Variants in GALNTL6 observed in about 807,000 individuals in gnomAD.
The protein encoded by GALNTL6 is polypeptide N-acetylgalactosaminyltransferase like 6.
Under a neutral mutation model 73.7 loss-of-function variants are expected in GALNTL6, and 46 were observed. That is an observed-to-expected ratio of 0.62 (90% CI 0.49 to 0.80). The LOEUF is 0.80. Among genes scored for constraint, GALNTL6 ranks in the 30% least tolerant of loss-of-function variants. GALNTL6 has a pLI of 0.00. For missense variants in GALNTL6, 604 were observed against 755.0 expected (o/e 0.80, Z 2.34); for synonymous variants, 259 against 263.7 (o/e 0.98, Z 0.17).
chr4:172,373,553 A>G (rs1742904639), intron 5 of GALNTL6, among the ~76,000 whole-genome samples: 1 of 152,164 alleles, frequency 6.6e-6, no homozygotes. Flanking sequence ...ATTGCCTTTG[A>G]TAAGGAAAAG....
intron 2 of GALNTL6, among the ~76,000 whole-genome samples, chr4:171,988,179 G>C (rs897940710): frequency 7.2e-5 from 11 of 152,180 alleles, no homozygotes; most frequent in African/African-American, 2.4e-4. Context: ...AAAGGCTACA[G>C]GGTGCAGTCC....
intron 12 of GALNTL6, among the ~76,000 whole-genome samples, chr4:173,033,851 T>C (rs1753571762): frequency 6.6e-6 from 1 of 152,192 alleles, no homozygotes; most frequent in South Asian, 2.1e-4. Flanking sequence ...TGAATCTTTC[T>C]ACTTACATGG....
At position 172,809,349 on chromosome 4, in the gene GALNTL6, C is replaced by T; in HGVS notation, c.554-12C>T. On this transcript the variant is annotated splice_polypyrimidine_tract_variant and intron_variant, in intron 5 of 12. Transcript: ENST00000506823. The surrounding 1 kb of genome is among the most constrained non-coding windows in gnomAD (Gnocchi z 4.4). The stretch of plus-strand genomic sequence containing the variant: ...TTGCGTTTTTTCTATGCATTCTCTA[C>T]TTCCTACCTAGAACACCTGAAGGAT... 2.5e-6 allele frequency: 4 copies of T among 1,611,208 alleles called. No homozygotes were observed. The highest frequency in any genetic ancestry group is 3.4e-6 in the Non-Finnish European group (4 of 1,178,160).
intron 2 of GALNTL6, among the ~76,000 whole-genome samples, chr4:172,091,365 A>T (rs1173934096): frequency 3.3e-5 from 5 of 152,152 alleles, no homozygotes; most frequent in Non-Finnish European, 7.4e-5. Flanking sequence ...ACTTGCTCTC[A>T]AACTTTGTAA....
Position 172,069,555 on chromosome 4 carries a change from G to GTTATATATA in GALNTL6, c.139-160100_139-160092dup, listed in dbSNP as rs763190852. On this transcript the variant is annotated intron_variant, in intron 2 of 12. Coordinates refer to ENST00000506823, the MANE Select transcript of GALNTL6 (RefSeq NM_001034845.3). ...CATATATTATATATAACACATATAT[G>GTTATATATA]TTATATATAACACATATATGTTATA... Among the ~76,000 whole-genome samples, 248 of 60,902 alleles carry GTTATATATA rather than the reference G, an allele frequency of 4.1e-3. 31 individuals are homozygous for GTTATATATA. Among genetic ancestry groups the GTTATATATA allele is most frequent in the South Asian group, 0.011 (24 of 2,178 alleles). The allele number at this position is 60,902 out of a possible 152,430, so 40.0% of individuals were successfully genotyped here.
chr4:172,756,239 A>G (rs1737742068), intron 5 of GALNTL6, among the ~76,000 whole-genome samples: 1 of 152,238 alleles, frequency 6.6e-6, no homozygotes, highest in East Asian at 1.9e-4. Context: ...TTCATGGTTT[A>G]CCAAAAGTTC....
intron 5 of GALNTL6, among the ~76,000 whole-genome samples, chr4:172,790,039 A>AAAACT (rs1263773066): frequency 5.9e-5 from 9 of 152,208 alleles, no homozygotes; most frequent in African/African-American, 1.7e-4. Context: ...AATCCGAAAT[A>AAAACT]GTTTTTTAAC....
chr4:171,960,343 C>T lies in GALNTL6; in HGVS notation c.138+145625C>T, dbSNP rs143860968. Among the ~76,000 whole-genome samples, 644 of 152,170 alleles carry T rather than the reference C, an allele frequency of 4.2e-3. 5 individuals are homozygous for T. Among genetic ancestry groups the T allele is most frequent in the African/African-American group, 0.015 (610 of 41,504 alleles). The stretch of plus-strand genomic sequence containing the variant: ...CCAGGCTAGAGTGCAATGGCATGAT[C>T]TCGGCTCACTGCAACCTCTGCCTCC... On this transcript the variant is annotated intron_variant, in intron 2 of 12. Transcript: ENST00000506823.
chr4:172,219,230 C>G (rs1230775637), intron 2 of GALNTL6, among the ~76,000 whole-genome samples: 1 of 75,376 alleles, frequency 1.3e-5, no homozygotes, highest in Non-Finnish European at 2.9e-5. Flanking sequence ...TATAATCCTT[C>G]TGTTCTTAAA....
intron 8 of GALNTL6, among the ~76,000 whole-genome samples, chr4:172,917,829 A>G (rs559769920): frequency 2.0e-5 from 3 of 152,340 alleles, no homozygotes; most frequent in African/African-American, 7.2e-5. Context: ...ACCATTGTGG[A>G]AGACAGTGTG....
intron 12 of GALNTL6, among the ~76,000 whole-genome samples, chr4:173,029,250 T>A (rs1442190242): frequency 6.6e-6 from 1 of 152,210 alleles, no homozygotes; most frequent in Non-Finnish European, 1.5e-5. Flanking sequence ...CTCTCCCAGG[T>A]CAGTCCTAAT....
At chr4:172,486,609 A>G (rs1287556963) in intron 5 of GALNTL6, among the ~76,000 whole-genome samples, 3 of 152,176 alleles carry the variant, frequency 2.0e-5, no homozygotes, top group Non-Finnish European at 4.4e-5. Flanking sequence ...TTCAGCCTAG[A>G]TCACCATTAT....
At chr4:172,036,488 C>A (rs1389003292) in intron 2 of GALNTL6, among the ~76,000 whole-genome samples, 1 of 152,000 alleles carries the variant, frequency 6.6e-6, no homozygotes, top group Non-Finnish European at 1.5e-5. Context: ...CTGGAAGAAC[C>A]AATAGCATAA....
At chr4:172,482,106 C>CCCACCCG (rs1733507520) in intron 5 of GALNTL6, among the ~76,000 whole-genome samples, 4 of 152,212 alleles carry the variant, frequency 2.6e-5, no homozygotes, top group African/African-American at 9.6e-5. Flanking sequence ...TCCACAGCTG[C>CCCACCCG]TGGCCCGGGT....
chr4:171,861,729 A>G (rs1735835097), intron 2 of GALNTL6, among the ~76,000 whole-genome samples: 1 of 152,156 alleles, frequency 6.6e-6, no homozygotes, highest in Admixed American at 6.6e-5. Flanking sequence ...GTGTAAATCT[A>G]TCTTCCAAAA....
chr4:171,923,229 C>T (rs180851339), intron 2 of GALNTL6, among the ~76,000 whole-genome samples: 1 of 151,990 alleles, frequency 6.6e-6, no homozygotes, highest in African/African-American at 2.4e-5. Flanking sequence ...CATAATAATT[C>T]TTTTTCTTGA....
At chr4:172,154,368 G>A (rs1734192713) in intron 2 of GALNTL6, among the ~76,000 whole-genome samples, 2 of 152,148 alleles carry the variant, frequency 1.3e-5, no homozygotes, top group African/African-American at 4.8e-5. Flanking sequence ...AAGTAGCTGG[G>A]ACTACAGGCA....
rs2110885992 is a variant in GALNTL6, at chr4:172,194,312, C to G, written c.139-35344C>G. ...GAGAACCATGGATTATATAAAAAGA[C>G]TGAACCAACAACAAATTGGAGAACT... is the stretch of plus-strand genomic sequence containing the variant. On this transcript the variant is annotated intron_variant, in intron 2 of 12. Transcript: ENST00000506823. Among the ~76,000 whole-genome samples the G allele has an allele frequency of 1.3e-5, 2 of 152,278 alleles. 1 individual carries two copies. Among genetic ancestry groups the G allele is most frequent in the South Asian group, 4.1e-4 (2 of 4,822 alleles).
At chr4:171,895,786 G>A (rs113763416) in intron 2 of GALNTL6, among the ~76,000 whole-genome samples, 2,215 of 152,082 alleles carry the variant, frequency 0.015, 57 homozygotes, top group African/African-American at 0.05. Flanking sequence ...TCACTATTTT[G>A]ACCATACTCA....
Sources: allele counts gnomAD v4.1 joint callset (sites outside exome capture counted in the v4.1 genomes callset), GRCh38; gene constraint gnomAD v4.1.1; non-coding constraint Gnocchi (gnomAD v3.1); transcripts MANE v1.5; gene names NCBI Gene and HGNC (gene_info 2026-07-23, HGNC 2026-07-21).